MCTP1: variants seen among roughly 807,000 people sequenced by gnomAD.
MCTP1 encodes multiple C2 and transmembrane domain-containing protein 1.
Under a neutral mutation model 120.6 loss-of-function variants are expected in MCTP1, and 69 were observed. The observed-to-expected ratio is 0.57, with a 90% CI of 0.47 to 0.70. The LOEUF (loss-of-function observed/expected upper bound fraction) is 0.70. MCTP1 is among the 30% of genes least tolerant of loss of function. The pLI is 0.00. For missense variants in MCTP1, 1,203 were observed against 1,248.8 expected (o/e 0.96, Z 0.55); for synonymous variants, 529 against 493.1 (o/e 1.07, Z -0.96).
chr5:94,843,164 T>C (rs1044909464), intron 17 of MCTP1, among the ~76,000 whole-genome samples: 1 of 151,822 alleles, frequency 6.6e-6, no homozygotes, highest in African/African-American at 2.4e-5. Flanking sequence ...TTGCTATACA[T>C]ACAAAGCCCT....
rs577790086 is a variant in MCTP1 at position 95,198,897 on chromosome 5, G to A, written c.720+84959C>T. Among the ~76,000 whole-genome samples, 237 of 152,270 alleles carry A rather than the reference G, an allele frequency of 1.6e-3. 2 individuals are homozygous for A. Among genetic ancestry groups the A allele is most frequent in the African/African-American group, 5.2e-3 (216 of 41,542 alleles). On this transcript the variant is annotated intron_variant, in intron 1 of 22. Transcript: ENST00000515393. Reference sequence around the variant, plus strand: ...TGGCAATTTGTAGGGAGACATTAGAGGATATTCAAAGTAAAAACTAAAATC... The same window carrying A: ...TGGCAATTTGTAGGGAGACATTAGAAGATATTCAAAGTAAAAACTAAAATC...
At chr5:95,172,584 C>G (rs1309416849) in intron 1 of MCTP1, among the ~76,000 whole-genome samples, 1 of 104,990 alleles carries the variant, frequency 9.5e-6, no homozygotes, top group African/African-American at 3.5e-5. Flanking sequence ...TTCTTCATAT[C>G]AAACTATTTT....
Position 94,871,326 on chromosome 5 carries a change from G to A in MCTP1, c.2128C>T (p.Pro710Ser), listed in dbSNP as rs765035181. The A allele has an allele frequency of 1.2e-6, 2 of 1,602,376 alleles. No individual in the cohort carries two copies. Among genetic ancestry groups the A allele is most frequent in the Non-Finnish European group, 8.5e-7 (1 of 1,169,946 alleles). The change falls in exon 14 of 23, where the codon CCA becomes TCA. Residue 710 changes from proline to serine, a missense_variant. Coordinates refer to ENST00000515393, the MANE Select transcript of MCTP1 (RefSeq NM_024717.7). ...TGAATAAAACTTACAGACAGCAATG[G>A]TATAGCAACTTTGCCCAGAAAGTCA... Reference protein sequence around the residue: ...SADFLGKVAIPLLSIQNGEQK... With the variant: ...SADFLGKVAISLLSIQNGEQK...
chr5:95,131,503 T>C (rs1759042061), intron 1 of MCTP1, among the ~76,000 whole-genome samples: 1 of 152,194 alleles, frequency 6.6e-6, no homozygotes, highest in African/African-American at 2.4e-5. Flanking sequence ...AAGGCTGAGA[T>C]CATAAATGAA....
intron 1 of MCTP1, among the ~76,000 whole-genome samples, chr5:95,172,360 C>A (rs1214406219): frequency 6.6e-6 from 1 of 152,136 alleles, no homozygotes; most frequent in Non-Finnish European, 1.5e-5. Context: ...GGTCAGGGAC[C>A]CACTTGAGGA....
chr5:94,767,495 TC>T (rs777173507), intron 19 of MCTP1, among the ~76,000 whole-genome samples: 1 of 152,110 alleles, frequency 6.6e-6, no homozygotes, highest in Non-Finnish European at 1.5e-5. Flanking sequence ...GATGACATGA[TC>T]TTATATATAG....
chr5:94,718,065 A>G (rs1759935097), intron 19 of MCTP1, among the ~76,000 whole-genome samples: 1 of 152,178 alleles, frequency 6.6e-6, no homozygotes, highest in South Asian at 2.1e-4. Context: ...AGACAATCCT[A>G]AGCAAAAAGA....
chr5:94,872,708 A>C (rs941671146), intron 13 of MCTP1, among the ~76,000 whole-genome samples: 11 of 152,132 alleles, frequency 7.2e-5, no homozygotes, highest in African/African-American at 2.7e-4. Flanking sequence ...TCATTGTGCT[A>C]AAATGAAAAG....
At chr5:94,944,290 C>T (rs1436513633) in intron 3 of MCTP1, among the ~76,000 whole-genome samples, 1 of 152,112 alleles carries the variant, frequency 6.6e-6, no homozygotes, top group Non-Finnish European at 1.5e-5. Context: ...GCTCAGCACT[C>T]CTGCAATAAA....
At chr5:95,004,571 A>G (rs1834315476) in intron 2 of MCTP1, among the ~76,000 whole-genome samples, 1 of 152,222 alleles carries the variant, frequency 6.6e-6, no homozygotes. Context: ...ACCTCAGGAC[A>G]TGGCACCCTG....
At chr5:94,866,814 G>T (rs1233571848) in intron 17 of MCTP1, among the ~76,000 whole-genome samples, 1 of 151,038 alleles carries the variant, frequency 6.6e-6, no homozygotes, top group South Asian at 2.1e-4. Context: ...CATTTTACGC[G>T]AGTGACCTCC....
At chr5:94,855,277 A>G (rs1479672877) in intron 17 of MCTP1, among the ~76,000 whole-genome samples, 4 of 151,820 alleles carry the variant, frequency 2.6e-5, no homozygotes, top group African/African-American at 9.7e-5. Flanking sequence ...TGTTTTCTCA[A>G]AAAAGCAGTC....
chr5:94,837,117 C>A (rs1344164876), intron 17 of MCTP1, among the ~76,000 whole-genome samples: 4 of 152,152 alleles, frequency 2.6e-5, no homozygotes, highest in Admixed American at 6.5e-5. Context: ...GTGACTCACA[C>A]CTGTAATCCC....
chr5:95,219,474 CAT>C (rs1375103022), intron 1 of MCTP1, among the ~76,000 whole-genome samples: 2 of 151,642 alleles, frequency 1.3e-5, no homozygotes, highest in African/African-American at 2.4e-5. Context: ...ATAATAAAGT[CAT>C]GTGTATCTAT....
intron 1 of MCTP1, among the ~76,000 whole-genome samples, chr5:95,166,690 C>T (rs1746421055): frequency 2.0e-5 from 3 of 151,668 alleles, no homozygotes; most frequent in Non-Finnish European, 1.5e-5. Flanking sequence ...GCCTCACCCT[C>T]CCGAGTAGCT....
intron 2 of MCTP1, among the ~76,000 whole-genome samples, chr5:94,971,821 G>C (rs1015024156): frequency 6.6e-6 from 1 of 152,086 alleles, no homozygotes; most frequent in African/African-American, 2.4e-5. Context: ...TTACATTTGA[G>C]CCATTAAATA....
chr5:95,024,677 A>ACACACACACACACC (rs1185400384), intron 1 of MCTP1, among the ~76,000 whole-genome samples: 17 of 150,866 alleles, frequency 1.1e-4, no homozygotes, highest in African/African-American at 3.9e-4. Context: ...ACACACACAC[A>ACACACACACACACC]CCCCTAAATG....
intron 17 of MCTP1, among the ~76,000 whole-genome samples, chr5:94,801,100 T>C (rs1781136432): frequency 6.6e-6 from 1 of 152,072 alleles, no homozygotes; most frequent in Non-Finnish European, 1.5e-5. Context: ...AAAGGGAAAA[T>C]CATTTTTGGC....
chr5:94,784,865 A>G (rs2152959294), intron 18 of MCTP1: 1 of 152,222 alleles, frequency 6.6e-6, no homozygotes, highest in South Asian at 2.1e-4. Flanking sequence ...AGACACTCAA[A>G]TACAATTATT....
Sources: gnomAD v4.1 joint callset for allele counts (sites outside exome capture counted in the v4.1 genomes callset) on GRCh38, gnomAD v4.1.1 for gene constraint, MANE v1.5 for transcripts, NCBI Gene and HGNC (gene_info 2026-07-23, HGNC 2026-07-21) for gene names.